The following PIGN variants were observed in gnomAD, a reference collection of about 807,000 sequenced individuals.
The protein encoded by PIGN is phosphatidylinositol glycan anchor biosynthesis class N, also known as GPI ethanolamine phosphate transferase 1.
PIGN carries 117 observed loss-of-function variants against 125.4 expected under a neutral mutation model. The observed-to-expected ratio is 0.93, with a 90% confidence interval of 0.80 to 1.09. The LOEUF (loss-of-function observed/expected upper bound fraction) is 1.09. PIGN is among the 50% of genes least tolerant of loss of function. The probability of loss-of-function intolerance (pLI) is 0.00; values close to 1 mark genes in which losing one functional copy is unlikely to be tolerated. For synonymous variants in PIGN, 392 were observed against 377.8 expected (o/e 1.04, Z -0.44); for missense variants, 1,075 against 1,094.9 (o/e 0.98, Z 0.26).
At position 62,113,264 on chromosome 18, in the gene PIGN, T is replaced by C. The variant is rs1333037087; in HGVS notation, c.1304A>G (p.Tyr435Cys). The C allele has an allele frequency of 1.9e-6, 3 of 1,612,592 alleles. No homozygotes were observed. Among genetic ancestry groups the C allele is most frequent in the African/African-American group, 1.3e-5 (1 of 74,908 alleles). ...CAAAAAGAATCTGTCATATGTGTGATAATAGGACAATCCTTTCAATGCAAG... is the reference window on the plus strand; with the variant it reads ...CAAAAAGAATCTGTCATATGTGTGACAATAGGACAATCCTTTCAATGCAAG... ...IHLALKGLSY[Y>C]HTYDRFFLGV... is the part of the protein sequence containing the mutation. Residue 435 changes from tyrosine to cysteine, a missense_variant, in exon 16 of 31, where the codon TAT (tyrosine) becomes TGT (cysteine). By Grantham distance (194) the Tyr-to-Cys change is radical. Transcript: ENST00000640252.
chr18:62,065,693 G>A (rs1240668217), intron 30 of PIGN, among the ~76,000 whole-genome samples: 5 of 151,920 alleles, frequency 3.3e-5, no homozygotes, highest in East Asian at 1.9e-4. Context: ...CCGAGATCGC[G>A]CCACTGCACT....
downstream of PIGN, among the ~76,000 whole-genome samples, chr18:62,040,403 T>C (rs2030338222): frequency 6.6e-6 from 1 of 152,202 alleles, no homozygotes; most frequent in South Asian, 2.1e-4. Flanking sequence ...CCTTGGTAGT[T>C]TTGAAAAGTA....
At chr18:62,116,963 A>ATTTACATT (rs1305735980) in intron 14 of PIGN, among the ~76,000 whole-genome samples, 1 of 152,122 alleles carries the variant, frequency 6.6e-6, no homozygotes, top group Admixed American at 6.6e-5. Flanking sequence ...CTTAAGGAGA[A>ATTTACATT]ATATTTACAT....
intron 1 of PIGN, among the ~76,000 whole-genome samples, chr18:62,185,810 A>G (rs941104844): frequency 6.6e-6 from 1 of 152,234 alleles, no homozygotes; most frequent in Non-Finnish European, 1.5e-5. Context: ...ATGACATAAA[A>G]GATAAACGTT....
chr18:62,116,603 T>A (rs1364361585), intron 14 of PIGN, among the ~76,000 whole-genome samples: 1 of 152,234 alleles, frequency 6.6e-6, no homozygotes, highest in Non-Finnish European at 1.5e-5. Context: ...CTTCACATCA[T>A]TAGCACTTCA....
At chr18:62,067,053 G>C (rs1164780325) in intron 30 of PIGN, among the ~76,000 whole-genome samples, 1 of 152,080 alleles carries the variant, frequency 6.6e-6, no homozygotes, top group Non-Finnish European at 1.5e-5. Flanking sequence ...ATACATGCAA[G>C]TACTAGAAAA....
At chr18:62,047,634 G>T (rs1446789088) in intron 30 of PIGN, among the ~76,000 whole-genome samples, 1 of 152,146 alleles carries the variant, frequency 6.6e-6, no homozygotes, top group Admixed American at 6.5e-5. Context: ...AGGCTGCAAG[G>T]GGAACCTGGA....
In PIGN at chr18:62,102,775, T is replaced by C. The variant is rs756703566; in HGVS notation, c.1968+19A>G. On this transcript the variant is annotated intron_variant, in intron 21 of 30. Coordinates refer to ENST00000640252, the MANE Select transcript of PIGN (RefSeq NM_176787.5). ...AGTATATCATTAGTATAACATAGTATTGAAAATCTGTAACTGACCTGTAAC... is the reference window on the plus strand; with the variant it reads ...AGTATATCATTAGTATAACATAGTACTGAAAATCTGTAACTGACCTGTAAC... 4.4e-6 allele frequency: 5 copies of C among 1,134,570 alleles called. No homozygotes were observed. Among genetic ancestry groups the C allele is most frequent in the African/African-American group, 3.1e-5 (2 of 64,676 alleles). 70.3% of individuals were successfully genotyped at this position (1,134,570 alleles called of 1,614,324 possible).
intron 23 of PIGN, among the ~76,000 whole-genome samples, chr18:62,018,451 A>C (rs1816971699): frequency 1.3e-5 from 2 of 152,234 alleles, no homozygotes; most frequent in African/African-American, 2.4e-5. Context: ...ATTTACATTC[A>C]CTAGGGCAAC....
chr18:62,020,739 G>GGAGAT (rs1211399512), intron 23 of PIGN, among the ~76,000 whole-genome samples: 3 of 151,356 alleles, frequency 2.0e-5, no homozygotes, highest in Non-Finnish European at 4.4e-5. Flanking sequence ...CACGAGGTCA[G>GGAGAT]GAGATCCCAG....
intron 23 of PIGN, among the ~76,000 whole-genome samples, chr18:62,034,517 A>G (rs2030232756): frequency 6.6e-6 from 1 of 152,216 alleles, no homozygotes; most frequent in Non-Finnish European, 1.5e-5. Context: ...TGTACCCTGC[A>G]AAACCACAGG....
chr18:62,106,917 G>C, intron 18 of PIGN, 36 bp from the exon 19 acceptor site: 2 of 1,560,560 alleles, frequency 1.3e-6, no homozygotes, highest in Non-Finnish European at 1.7e-6. Flanking sequence ...TGAAAAATAA[G>C]GTCATTTAAT....
chr18:62,148,946 C>T (rs2147326790), intron 7 of PIGN, among the ~76,000 whole-genome samples: 1 of 152,194 alleles, frequency 6.6e-6, no homozygotes, highest in African/African-American at 2.4e-5. Flanking sequence ...GATTATTATG[C>T]TAATTAAATA....
chr18:62,055,696 C>T (rs2031663091), intron 30 of PIGN, among the ~76,000 whole-genome samples: 1 of 151,952 alleles, frequency 6.6e-6, no homozygotes, highest in Non-Finnish European at 1.5e-5. Context: ...CTTACAACCT[C>T]ATGTGAATCT....
At chr18:62,180,605 T>C (rs531836497) in intron 1 of PIGN, among the ~76,000 whole-genome samples, 2 of 152,252 alleles carry the variant, frequency 1.3e-5, no homozygotes, top group East Asian at 1.9e-4. Flanking sequence ...AGTATGAAAA[T>C]TTTTTCATGT....
intron 30 of PIGN, among the ~76,000 whole-genome samples, chr18:62,050,283 C>T (rs917982103): frequency 1.3e-5 from 2 of 152,078 alleles, no homozygotes; most frequent in African/African-American, 4.8e-5. Context: ...CTATAAATTA[C>T]CTTGGGCAGT....
chr18:62,115,490 T>G (rs1381865429), intron 14 of PIGN, among the ~76,000 whole-genome samples: 1 of 152,176 alleles, frequency 6.6e-6, no homozygotes, highest in Non-Finnish European at 1.5e-5. Context: ...TTAGGTTGGA[T>G]CACATGAAAT....
intron 30 of PIGN, chr18:62,070,610 T>C (rs970963180): frequency 4.5e-5 from 18 of 396,058 alleles, no homozygotes; most frequent in Non-Finnish European, 8.0e-5. Context: ...ATTGACTAAA[T>C]GAAATAAAAT....
In PIGN at chr18:62,096,178, C is replaced by A. The variant is rs146270560; in HGVS notation, c.2078-228G>T. Among the ~76,000 whole-genome samples the A allele has an allele frequency of 9.7e-3, 1,471 of 152,084 alleles. 46 individuals carry two copies. Among genetic ancestry groups the A allele is most frequent in the East Asian group, 0.069 (357 of 5,170 alleles). The stretch of plus-strand genomic sequence containing the variant: ...GGTGTGGTGGCAGGCGCCTGTAATC[C>A]CAGCTACTCAGGAGGCTGAGGTAGG... On this transcript the variant is annotated intron_variant, in intron 22 of 30. Transcript: ENST00000640252.
Sources: allele counts gnomAD v4.1 joint callset (sites outside exome capture counted in the v4.1 genomes callset), GRCh38; gene constraint gnomAD v4.1.1; transcripts MANE v1.5; gene names NCBI Gene and HGNC (gene_info 2026-07-23, HGNC 2026-07-21).